Variants in TJP1 observed in about 807,000 individuals in gnomAD.
TJP1 encodes tight junction protein ZO-1.
In TJP1, 43 loss-of-function variants were observed where a neutral mutation model predicts 194.2. The observed-to-expected ratio is 0.22, with a 90% CI of 0.17 to 0.29. The LOEUF (loss-of-function observed/expected upper bound fraction) is 0.29, where lower values mean the gene tolerates loss of function less well. TJP1 is among the 10% of genes least tolerant of loss of function. The pLI, the probability that TJP1 is intolerant of heterozygous loss-of-function variation, is 1.00. For missense variants in TJP1, 1,971 were observed against 2,185.7 expected, an observed-to-expected ratio of 0.90 and a Z score of 1.96; for synonymous variants, 801 against 779.0, an observed-to-expected ratio of 1.03 and a Z score of -0.47.
At chr15:29,876,011 A>C (rs568829244) in intron 2 of TJP1, among the ~76,000 whole-genome samples, 18 of 152,336 alleles carry the variant, frequency 1.2e-4, no homozygotes, top group African/African-American at 4.3e-4. Context: ...ACTAATTAAA[A>C]TTAGATAAAA....
At chr15:29,762,519 TTAAC>T (rs1201344540) in intron 5 of TJP1, 81 bp from the exon 6 acceptor site, 2 of 951,998 alleles carry the variant, frequency 2.1e-6, no homozygotes, top group Non-Finnish European at 3.2e-6. Context: ...ACTAAACTAA[TTAAC>T]TACTGCATAG....
intron 2 of TJP1, among the ~76,000 whole-genome samples, chr15:29,952,254 T>C (rs982638823): frequency 5.9e-5 from 9 of 152,232 alleles, no homozygotes; most frequent in Non-Finnish European, 1.2e-4. Context: ...AACAGAATTG[T>C]TGAGTCCAGG....
At chr15:29,834,463 C>G (rs2050960102) in intron 2 of TJP1, among the ~76,000 whole-genome samples, 1 of 152,168 alleles carries the variant, frequency 6.6e-6, no homozygotes, top group South Asian at 2.1e-4. Flanking sequence ...CACAATCCAC[C>G]TGCCTTGGCC....
intron 2 of TJP1, among the ~76,000 whole-genome samples, chr15:29,917,989 ACTCC>A (rs2054239361): frequency 6.6e-6 from 1 of 150,814 alleles, no homozygotes; most frequent in Admixed American, 6.6e-5. Flanking sequence ...CTAACTCCTC[ACTCC>A]CTCTTTCCCC....
rs572554057 is a variant in TJP1 at position 29,944,324 on chromosome 15, T to C, written c.306+11908A>G. Among the ~76,000 whole-genome samples the C allele has an allele frequency of 7.7e-4, 117 of 152,064 alleles. No individual in the cohort carries two copies. In the South Asian group the frequency reaches 0.024, roughly 31 times the overall value. On this transcript the variant is annotated intron_variant, in intron 2 of 28. Coordinates refer to the TJP1 transcript ENST00000356107. ...GTTACCCAGGATGGTCTCGACCTCC[T>C]GACCTCGTGATCCACCCGCCTTGGC...
chr15:29,728,082 C>T (rs2043352602), intron 15 of TJP1, 63 bp from the exon 16 acceptor site: 3 of 1,348,606 alleles, frequency 2.2e-6, no homozygotes, highest in Middle Eastern at 1.8e-4. Flanking sequence ...AGGAGTTTCT[C>T]AACTACTGGC....
intron 4 of TJP1, among the ~76,000 whole-genome samples, chr15:29,768,428 G>A (rs980101606): frequency 1.3e-5 from 2 of 152,064 alleles, no homozygotes; most frequent in Non-Finnish European, 2.9e-5. Context: ...GCAATACCTG[G>A]TATTAGTATT....
chr15:29,881,582 G>GATA (rs1166747265), intron 2 of TJP1, among the ~76,000 whole-genome samples: 1 of 152,172 alleles, frequency 6.6e-6, no homozygotes, highest in East Asian at 1.9e-4. Context: ...GCTAATCTAG[G>GATA]ATAATATTAA....
chr15:29,791,156 A>G (rs1265864361), intron 2 of TJP1, among the ~76,000 whole-genome samples: 1 of 151,040 alleles, frequency 6.6e-6, no homozygotes, highest in East Asian at 1.9e-4. Flanking sequence ...CCTCCTGAGT[A>G]TCTGGGACTA....
intron 2 of TJP1, among the ~76,000 whole-genome samples, chr15:29,946,197 AT>A (rs1343215224): frequency 6.6e-6 from 1 of 152,218 alleles, no homozygotes; most frequent in Non-Finnish European, 1.5e-5. Flanking sequence ...GACAATGCAA[AT>A]TAATAGACAA....
intron 2 of TJP1, among the ~76,000 whole-genome samples, chr15:29,906,283 G>A (rs1235714807): frequency 1.3e-5 from 2 of 151,864 alleles, no homozygotes; most frequent in Non-Finnish European, 2.9e-5. Flanking sequence ...GACCAGCTTG[G>A]CCAATATGGT....
intron 2 of TJP1, among the ~76,000 whole-genome samples, chr15:29,931,598 A>C (rs1427914000): frequency 6.6e-6 from 1 of 152,160 alleles, no homozygotes; most frequent in African/African-American, 2.4e-5. Flanking sequence ...TAATTATAAA[A>C]TGTATAAAGA....
At chr15:29,855,171 GA>G (rs958357256) in intron 2 of TJP1, among the ~76,000 whole-genome samples, 23 of 150,792 alleles carry the variant, frequency 1.5e-4, no homozygotes, top group African/African-American at 2.2e-4. Flanking sequence ...GGACCTATAT[GA>G]AAAAAAAATA....
chr15:29,942,785 T>A (rs1291759991), intron 2 of TJP1, among the ~76,000 whole-genome samples: 1 of 152,210 alleles, frequency 6.6e-6, no homozygotes, highest in Non-Finnish European at 1.5e-5. Flanking sequence ...GGCTGTATGC[T>A]CAGTGAACTG....
Position 29,730,786 on chromosome 15 carries a change from C to T in TJP1, c.2017+1647G>A, listed in dbSNP as rs996017482. 2.3e-5 allele frequency: 18 copies of T among 776,052 alleles called. No individual in the cohort carries two copies. The African/African-American group carries it at 2.9e-4, about 12-fold the overall frequency. 48.1% of individuals were successfully genotyped at this position (776,052 alleles called of 1,614,324 possible). A position where few individuals can be genotyped will look rare whatever the true frequency, so the allele number is the denominator to read the frequency against. On this transcript the variant is annotated intron_variant, in intron 15 of 27. Coordinates refer to ENST00000614355, the MANE Select transcript of TJP1 (RefSeq NM_001330239.4). ...GTGAAGGACGAACCACAGAGAAGAT[C>T]CGCGAGGTTGTCTGCTAAACCTGCT...
chr15:29,968,052 C>T, intron 1 of TJP1: 1 of 984,626 alleles, frequency 1.0e-6, no homozygotes, highest in South Asian at 4.7e-5. Context: ...GCAACGTAAA[C>T]CAGTAAGGTC....
intron 1 of TJP1, chr15:29,956,406 G>A (rs1434869470): frequency 3.2e-6 from 4 of 1,267,770 alleles, no homozygotes; most frequent in Non-Finnish European, 4.1e-6. Flanking sequence ...AGGTTTACAG[G>A]TGAACACATT....
chr15:29,720,129 T>C (rs1367497149), intron 19 of TJP1, 113 bp from the exon 20 acceptor site: 3 of 1,391,462 alleles, frequency 2.2e-6, no homozygotes, highest in Non-Finnish European at 2.9e-6. Flanking sequence ...ATAACAAAAT[T>C]ATGACCTCAT....
At chr15:29,823,870 G>C (rs1372789894), upstream of TJP1, 1 of 150,726 alleles carries the variant, frequency 6.6e-6, no homozygotes, top group African/African-American at 2.4e-5. Flanking sequence ...AGCGGATCAC[G>C]AGGTCAGGAG....
Sources: allele counts gnomAD v4.1 joint callset (sites outside exome capture counted in the v4.1 genomes callset), GRCh38; gene constraint gnomAD v4.1.1; transcripts MANE v1.5; gene names NCBI Gene and HGNC (gene_info 2026-07-23, HGNC 2026-07-21).